The following SORCS1 variants were observed in gnomAD, a reference collection of about 807,000 sequenced individuals.
The protein encoded by SORCS1 is sortilin related VPS10 domain containing receptor 1, also known as VPS10 domain-containing receptor SorCS1.
SORCS1 carries 60 observed loss-of-function variants against 146.1 expected under a neutral mutation model. The observed-to-expected ratio is 0.41, with a 90% CI of 0.33 to 0.51. SORCS1 has a LOEUF of 0.51. Among genes scored for constraint, SORCS1 ranks in the 20% least tolerant of loss-of-function variants. SORCS1 has a pLI of 0.21. For missense variants in SORCS1, 1,352 were observed against 1,487.6 expected (o/e 0.91, Z 1.50); for synonymous variants, 637 against 584.0 (o/e 1.09, Z -1.31).
intron 6 of SORCS1, among the ~76,000 whole-genome samples, chr10:106,727,317 T>C (rs1476308794): frequency 6.6e-6 from 1 of 152,184 alleles, no homozygotes; most frequent in African/African-American, 2.4e-5. Flanking sequence ...TCTCTCTACA[T>C]GTAGATGCCA....
intron 6 of SORCS1, among the ~76,000 whole-genome samples, chr10:106,719,977 C>A (rs1009425871): frequency 2.6e-5 from 4 of 152,180 alleles, no homozygotes; most frequent in Non-Finnish European, 5.9e-5. Flanking sequence ...GGCAGACACA[C>A]AAGTCTCTCC....
chr10:107,064,647 C>G (rs779882997), intron 1 of SORCS1, among the ~76,000 whole-genome samples: 5 of 152,202 alleles, frequency 3.3e-5, no homozygotes, highest in Admixed American at 3.3e-4. Context: ...GAAGTGAGAT[C>G]TACTAAATTC....
At chr10:107,093,279 T>A (rs1277301387) in intron 1 of SORCS1, among the ~76,000 whole-genome samples, 1 of 152,174 alleles carries the variant, frequency 6.6e-6, no homozygotes, top group African/African-American at 2.4e-5. Context: ...ACATCTCCGG[T>A]CTGAAACATG....
intron 18 of SORCS1, among the ~76,000 whole-genome samples, chr10:106,642,009 G>C (rs1170661533): frequency 1.3e-5 from 2 of 152,124 alleles, no homozygotes; most frequent in Admixed American, 1.3e-4. Flanking sequence ...TAAAATATTT[G>C]TCAAAGAACA....
intron 4 of SORCS1, among the ~76,000 whole-genome samples, chr10:106,774,854 T>TA (rs1445570701): frequency 1.3e-5 from 2 of 152,244 alleles, no homozygotes; most frequent in Non-Finnish European, 2.9e-5. Context: ...GCATGGCACT[T>TA]AAAAGAGATG....
At chr10:106,903,626 A>T (rs1951805042) in intron 2 of SORCS1, among the ~76,000 whole-genome samples, 1 of 152,222 alleles carries the variant, frequency 6.6e-6, no homozygotes, top group African/African-American at 2.4e-5. Flanking sequence ...AAAAGAAAAG[A>T]GTGACGATTT....
At chr10:106,987,120 A>C (rs1420385441) in intron 1 of SORCS1, among the ~76,000 whole-genome samples, 1 of 152,202 alleles carries the variant, frequency 6.6e-6, no homozygotes, top group Non-Finnish European at 1.5e-5. Context: ...GCTTTTAAAA[A>C]ATTACTGGCT....
intron 3 of SORCS1, among the ~76,000 whole-genome samples, chr10:106,804,198 T>C (rs562799385): frequency 1.6e-4 from 24 of 152,264 alleles, no homozygotes; most frequent in African/African-American, 5.8e-4. Flanking sequence ...GGGACAAATA[T>C]GGCTACTTGC....
chr10:106,736,853 T>C (rs1477479234), intron 5 of SORCS1, among the ~76,000 whole-genome samples: 1 of 152,084 alleles, frequency 6.6e-6, no homozygotes, highest in Non-Finnish European at 1.5e-5. Flanking sequence ...CTACTAAAAA[T>C]AACAAATAAA....
chr10:106,862,234 G>A (rs2137447702), intron 2 of SORCS1, among the ~76,000 whole-genome samples: 1 of 152,272 alleles, frequency 6.6e-6, no homozygotes, highest in South Asian at 2.1e-4. Flanking sequence ...AATCACTGGA[G>A]ACATTCAGGG....
chr10:107,106,526 G>A (rs916749537), intron 1 of SORCS1, among the ~76,000 whole-genome samples: 2 of 152,040 alleles, frequency 1.3e-5, no homozygotes, highest in Non-Finnish European at 1.5e-5. Flanking sequence ...ATATTGAATG[G>A]CATTATAACA....
At chr10:106,602,512 A>AACACACACACACACACACACACAC (rs66699179) in intron 23 of SORCS1, among the ~76,000 whole-genome samples, 46 of 138,848 alleles carry the variant, frequency 3.3e-4, no homozygotes, top group African/African-American at 4.8e-4. Context: ...ATTCCTTCAT[A>AACACACACACACACACACACACAC]ACACACACAC....
chr10:106,962,459 C>T (rs1035855742), intron 1 of SORCS1, among the ~76,000 whole-genome samples: 1 of 150,432 alleles, frequency 6.6e-6, no homozygotes, highest in Admixed American at 6.6e-5. Flanking sequence ...TATCTCTTCA[C>T]TCTTCAATTA....
At chr10:106,699,721 C>A (rs746038480) in intron 8 of SORCS1, among the ~76,000 whole-genome samples, 7 of 151,936 alleles carry the variant, frequency 4.6e-5, no homozygotes, top group Non-Finnish European at 1.0e-4. Flanking sequence ...TTTTGCCAAG[C>A]ACAAATATGA....
intron 2 of SORCS1, among the ~76,000 whole-genome samples, chr10:106,843,206 T>A (rs1015523708): frequency 6.6e-6 from 1 of 152,128 alleles, no homozygotes; most frequent in Admixed American, 6.6e-5. Flanking sequence ...AACTTATTCA[T>A]CCAATAGTGA....
chr10:106,984,522 T>C (rs564445895), intron 1 of SORCS1, among the ~76,000 whole-genome samples: 1 of 151,454 alleles, frequency 6.6e-6, no homozygotes, highest in Admixed American at 6.6e-5. Flanking sequence ...GCCTCCTGAG[T>C]AGCTGGGACT....
intron 1 of SORCS1, among the ~76,000 whole-genome samples, chr10:106,957,671 C>T (rs1955029642): frequency 6.6e-6 from 1 of 151,990 alleles, no homozygotes. Flanking sequence ...TGGAACCCTC[C>T]ATAAGAAACA....
At chr10:106,860,848 TTAGAA>T (rs1949982513) in intron 2 of SORCS1, among the ~76,000 whole-genome samples, 1 of 152,200 alleles carries the variant, frequency 6.6e-6, no homozygotes, top group Non-Finnish European at 1.5e-5. Flanking sequence ...CAATTTTTTA[TTAGAA>T]TGAGGATCCT....
intron 1 of SORCS1, among the ~76,000 whole-genome samples, chr10:107,057,376 A>G (rs994375489): frequency 6.6e-6 from 1 of 152,226 alleles, no homozygotes; most frequent in East Asian, 1.9e-4. Flanking sequence ...ATTGATTAAG[A>G]TAAAGCCCTG....
Sources: allele counts gnomAD v4.1 joint callset (sites outside exome capture counted in the v4.1 genomes callset), GRCh38; gene constraint gnomAD v4.1.1; transcripts MANE v1.5; gene names NCBI Gene and HGNC (gene_info 2026-07-23, HGNC 2026-07-21).